AP4E1: variants seen among roughly 807,000 people sequenced by gnomAD.
The protein encoded by AP4E1 is AP-4 complex subunit epsilon-1.
A neutral mutation model predicts 128.2 loss-of-function variants in AP4E1; 56 were observed. The observed-to-expected ratio is 0.44, with a 90% CI of 0.35 to 0.55. The LOEUF (loss-of-function observed/expected upper bound fraction) is 0.55. AP4E1 is among the 20% of genes least tolerant of loss of function. The pLI is 0.00. For missense variants in AP4E1, 1,324 were observed against 1,307.7 expected, an observed-to-expected ratio of 1.01 and a Z score of -0.19; for synonymous variants, 484 against 473.1, an observed-to-expected ratio of 1.02 and a Z score of -0.30.
In AP4E1 at chr15:50,931,343, G is replaced by A. The variant is rs531719390; in HGVS notation, c.869+372G>A. Among the ~76,000 whole-genome samples the A allele has an allele frequency of 2.0e-3, 302 of 152,132 alleles. 1 individual carries two copies. The highest frequency in any genetic ancestry group is 3.1e-3 in the Non-Finnish European group (214 of 67,994). ...CCAGCACTTGGGAGGCTGAGGTGGC[G>A]GATCACAAGGTCAGGAGTTTGAGAC... On this transcript the variant is annotated intron_variant, in intron 7 of 20. Transcript: ENST00000261842.
chr15:50,942,229 C>T (rs554164223), intron 10 of AP4E1, among the ~76,000 whole-genome samples: 12 of 152,180 alleles, frequency 7.9e-5, no homozygotes, highest in African/African-American at 2.9e-4. Context: ...TTTATTTTTA[C>T]TAAAGTTTAA....
chr15:50,920,736 G>C (rs2141139808), intron 3 of AP4E1, among the ~76,000 whole-genome samples: 1 of 152,090 alleles, frequency 6.6e-6, no homozygotes, highest in East Asian at 2.0e-4. Flanking sequence ...TGGTACTGTT[G>C]TCTCATCCAC....
At chr15:50,986,284 T>C (rs953182599) in intron 16 of AP4E1, among the ~76,000 whole-genome samples, 8 of 152,196 alleles carry the variant, frequency 5.3e-5, no homozygotes, top group Admixed American at 2.0e-4. Context: ...CTTTTCCTGA[T>C]TGAATACCTT....
rs755567952 is a variant in AP4E1 at position 50,997,810 on chromosome 15, G to C, written c.2831G>C (p.Trp944Ser). 5.6e-6 allele frequency: 9 copies of C among 1,606,670 alleles called. No homozygotes were observed. Among genetic ancestry groups the C allele is most frequent in the Non-Finnish European group, 7.7e-6 (9 of 1,175,590 alleles). The change falls in exon 18 of 21, where the codon TGG becomes TCG. Residue 944 changes from tryptophan to serine, a missense_variant. Trp to Ser is a radical substitution (Grantham distance 177). Transcript: ENST00000261842. ...IWKDDCLLMV[W>S]SVTNKSGLEL... ...AAAGATGATTGTTTATTGATGGTCT[G>C]GTCAGTCACTAATAAGAGTGGTTTG...
chr15:50,977,573 T>G (rs1021470979), intron 15 of AP4E1, among the ~76,000 whole-genome samples: 3 of 152,140 alleles, frequency 2.0e-5, no homozygotes, highest in African/African-American at 7.2e-5. Context: ...TAATAAATAC[T>G]TGTGGAATAA....
At chr15:50,967,149 A>G (rs79942028) in intron 14 of AP4E1, among the ~76,000 whole-genome samples, 1,688 of 152,304 alleles carry the variant, frequency 0.011, 28 homozygotes, top group African/African-American at 0.039. Flanking sequence ...GTGAAAAAGC[A>G]TTTTCAGTTT....
rs1193675864 is a variant in AP4E1 at position 50,940,123 on chromosome 15, T to C, written c.944-1319T>C. 2.6e-5 allele frequency among the ~76,000 whole-genome samples: 4 copies of C among 152,200 alleles called. 1 individual carries two copies. Among genetic ancestry groups the C allele is most frequent in the Admixed American group, 2.6e-4 (4 of 15,276 alleles). ...TGCCTTATCTTATTAGTCAATTGACTAAGGTTCTCTTTGTTTAGTTTGTCT... is the reference window on the plus strand; with the variant it reads ...TGCCTTATCTTATTAGTCAATTGACCAAGGTTCTCTTTGTTTAGTTTGTCT... On this transcript the variant is annotated intron_variant, in intron 8 of 20. Coordinates refer to ENST00000261842, the MANE Select transcript of AP4E1 (RefSeq NM_007347.5).
rs561730099 is a variant in AP4E1, at chr15:50,936,023, G to A, written c.943+1326G>A. Among the ~76,000 whole-genome samples, 9 of 152,296 alleles carry A rather than the reference G, an allele frequency of 5.9e-5. No homozygotes were observed. The East Asian group carries it at 9.6e-4, about 16-fold the overall frequency. On this transcript the variant is annotated intron_variant, in intron 8 of 20. Transcript: ENST00000261842. ...CTTGATTGTGTTTTAAACTAGGTGC[G>A]GATTGAGGAAAGAGTTGATTGACTT...
Position 50,925,209 on chromosome 15 carries a change from C to A in AP4E1, c.532C>A (p.Gln178Lys), listed in dbSNP as rs535811578. The A allele has an allele frequency of 2.5e-6, 4 of 1,613,204 alleles. No homozygotes were observed. The South Asian group carries it at 4.4e-5, about 18-fold the overall frequency. Residue 178 changes from glutamine (Q) to lysine (K), a missense_variant, in exon 5 of 21, where the codon CAA (glutamine) becomes AAA (lysine). Coordinates refer to ENST00000261842, the MANE Select transcript of AP4E1 (RefSeq NM_007347.5). Reference sequence around the variant, plus strand: ...TCTTCCATTAATAGAAGATAAACTTCAACATTCTAAGTAAGTAAATTCTTT... The same window carrying A: ...TCTTCCATTAATAGAAGATAAACTTAAACATTCTAAGTAAGTAAATTCTTT... ...AVLPLIEDKL[Q>K]HSKEIVRRKA...
At chr15:50,914,375 G>A (rs2063602791) in intron 2 of AP4E1, among the ~76,000 whole-genome samples, 1 of 152,094 alleles carries the variant, frequency 6.6e-6, no homozygotes, top group African/African-American at 2.4e-5. Context: ...ATGTGGACGG[G>A]TGTGGTGGCT....
chr15:50,946,861 T>G (rs1264632004), intron 10 of AP4E1, among the ~76,000 whole-genome samples: 2 of 152,186 alleles, frequency 1.3e-5, no homozygotes, highest in Non-Finnish European at 2.9e-5. Context: ...AGAGGTATAT[T>G]CCTCAGCACT....
chr15:50,913,230 G>A (rs1567206219), intron 2 of AP4E1, among the ~76,000 whole-genome samples: 1 of 152,146 alleles, frequency 6.6e-6, no homozygotes, highest in Non-Finnish European at 1.5e-5. Context: ...ATATCCATGT[G>A]TATATATGTA....
At chr15:50,968,232 A>T in intron 14 of AP4E1, 31 bp from the exon 15 acceptor site, 1 of 1,388,098 alleles carries the variant, frequency 7.2e-7, no homozygotes, top group Non-Finnish European at 1.0e-6. Context: ...AAATTTATTT[A>T]ATTCCTAATT....
At chr15:50,984,331 G>C (rs920587971) in intron 16 of AP4E1, among the ~76,000 whole-genome samples, 186 bp downstream of exon 16, 3 of 151,706 alleles carry the variant, frequency 2.0e-5, no homozygotes, top group Non-Finnish European at 2.9e-5. Flanking sequence ...TATACTTTAA[G>C]TTCTAGGGTA....
intron 16 of AP4E1, among the ~76,000 whole-genome samples, chr15:50,989,365 A>G (rs1321986100): frequency 6.6e-6 from 1 of 152,168 alleles, no homozygotes; most frequent in Non-Finnish European, 1.5e-5. Flanking sequence ...TCATCCTTAC[A>G]TTTGTCTGTT....
intron 3 of AP4E1, among the ~76,000 whole-genome samples, chr15:50,921,494 G>T (rs2063702715): frequency 6.6e-6 from 1 of 151,870 alleles, no homozygotes; most frequent in Non-Finnish European, 1.5e-5. Context: ...GATTACAGGA[G>T]AGTGTCACCA....
intron 2 of AP4E1, 139 bp from the exon 3 acceptor site, chr15:50,915,309 T>C: frequency 1.2e-6 from 1 of 839,184 alleles, no homozygotes; most frequent in South Asian, 1.8e-5. Flanking sequence ...AGTCTGATAT[T>C]GGGTGATTAA....
chr15:50,913,643 A>G (rs1429610405), intron 2 of AP4E1, among the ~76,000 whole-genome samples: 1 of 152,254 alleles, frequency 6.6e-6, no homozygotes, highest in Non-Finnish European at 1.5e-5. Context: ...ACTTAGATAA[A>G]GTTCATAATG....
chr15:50,976,917 A>C (rs1398139844), intron 15 of AP4E1, among the ~76,000 whole-genome samples: 1 of 152,226 alleles, frequency 6.6e-6, no homozygotes, highest in East Asian at 1.9e-4. Context: ...TGGATTGGAA[A>C]GTACATGTAT....
Sources: allele counts gnomAD v4.1 joint callset (sites outside exome capture counted in the v4.1 genomes callset), GRCh38; gene constraint gnomAD v4.1.1; transcripts MANE v1.5; gene names NCBI Gene and HGNC (gene_info 2026-07-23, HGNC 2026-07-21).